NDE1: variants seen among roughly 807,000 people sequenced by gnomAD.
The protein encoded by NDE1 is nuclear distribution protein nudE homolog 1.
In NDE1, 28 loss-of-function variants were observed where a neutral mutation model predicts 43.4. The ratio of observed to expected loss-of-function variants is 0.65; its 90% confidence interval spans 0.48 to 0.89. NDE1 has a LOEUF of 0.89. Ranked by LOEUF, NDE1 falls within the 40% of genes least tolerant of loss-of-function variation. The probability of loss-of-function intolerance (pLI) is 0.00; values close to 1 mark genes in which losing one functional copy is unlikely to be tolerated. For synonymous variants in NDE1, 184 were observed against 172.0 expected, an observed-to-expected ratio of 1.07 and a Z score of -0.55; for missense variants, 441 against 434.1, an observed-to-expected ratio of 1.02 and a Z score of -0.14.
In NDE1 at chr16:15,655,817, A is replaced by G. The variant is rs543526221; in HGVS notation, c.-44+5523A>G. 5.1e-3 allele frequency among the ~76,000 whole-genome samples: 781 copies of G among 152,078 alleles called. 9 individuals are homozygous for G. The highest frequency in any genetic ancestry group is 0.024 in the Middle Eastern group (7 of 294). The stretch of plus-strand genomic sequence containing the variant: ...TGCAGCCATAAAAAATGATGAGTTC[A>G]TGTCCTTTGTAGGGACATGGATGAA... On this transcript the variant is annotated intron_variant, in intron 1 of 8. Coordinates refer to ENST00000396354, the MANE Select transcript of NDE1 (RefSeq NM_017668.3).
At chr16:15,683,857 C>G (rs1458465798) in intron 4 of NDE1, among the ~76,000 whole-genome samples, 1 of 151,918 alleles carries the variant, frequency 6.6e-6, no homozygotes, top group Non-Finnish European at 1.5e-5. Flanking sequence ...AGACTCCCGT[C>G]TCTAGAAACA....
At chr16:15,717,385 GGAA>G (rs1242029272) in intron 8 of NDE1, 1 of 1,599,190 alleles carries the variant, frequency 6.3e-7, no homozygotes, top group Non-Finnish European at 8.5e-7. Context: ...GCGGACTCAG[GGAA>G]GCCCAAGAGA....
chr16:15,723,171 A>G (rs1347321862), intron 8 of NDE1, among the ~76,000 whole-genome samples: 1 of 152,200 alleles, frequency 6.6e-6, no homozygotes, highest in African/African-American at 2.4e-5. Flanking sequence ...TTATCGTACA[A>G]TTAAGATTTG....
At position 15,724,677 on chromosome 16, in the gene NDE1, C is replaced by T. The variant is rs998445950; in HGVS notation, c.*426C>T. 6 of 1,614,202 alleles carry T rather than the reference C, an allele frequency of 3.7e-6. No homozygotes were observed. Among genetic ancestry groups the T allele is most frequent in the Non-Finnish European group, 5.1e-6 (6 of 1,180,024 alleles). On this transcript the variant is annotated 3_prime_UTR_variant, in exon 9 of 9. Transcript: ENST00000396354. The stretch of plus-strand genomic sequence containing the variant: ...TGTTGAGAGTGGAGATGTGGCGCTC[C>T]AGGTTCTGCTTGGCCTCCATCTCCT...
intron 2 of NDE1, among the ~76,000 whole-genome samples, chr16:15,666,983 C>T (rs531314039): frequency 7.4e-4 from 112 of 152,230 alleles, no homozygotes; most frequent in Middle Eastern, 3.4e-3. Context: ...CAATGGCTAA[C>T]GCCTGTAATC....
intron 1 of NDE1, among the ~76,000 whole-genome samples, chr16:15,644,290 G>A (rs976795980): frequency 1.3e-5 from 2 of 152,218 alleles, no homozygotes; most frequent in Non-Finnish European, 2.9e-5. Flanking sequence ...TCCTTACTGG[G>A]AGGTTATTTC....
chr16:15,691,746 T>C (rs2038765289), intron 6 of NDE1, among the ~76,000 whole-genome samples: 1 of 151,600 alleles, frequency 6.6e-6, no homozygotes. Flanking sequence ...GCTCAAGTGA[T>C]TCTCCCACCT....
chr16:15,685,953 ATTT>A (rs112767652), intron 4 of NDE1, among the ~76,000 whole-genome samples: 2 of 138,352 alleles, frequency 1.4e-5, no homozygotes, highest in Non-Finnish European at 3.2e-5. Context: ...TTCCTGTAGG[ATTT>A]TTTTTTTTTT....
At position 15,719,461 on chromosome 16, in the gene NDE1, C is replaced by A. The variant is rs990406724; in HGVS notation, c.948-4730C>A. On this transcript the variant is annotated intron_variant, in intron 8 of 8. Transcript: ENST00000396354. The stretch of plus-strand genomic sequence containing the variant: ...ATACATAGAGGAGGGAAGCGTGTGT[C>A]TTTCTAGACAGGTGGACCCCAGAGG... The A allele has an allele frequency of 9.2e-5, 141 of 1,532,780 alleles. No homozygotes were observed. The African/African-American group carries it at 1.8e-3, about 20-fold the overall frequency. 94.9% of individuals were successfully genotyped at this position (1,532,780 alleles called of 1,614,324 possible).
rs967321166 is a variant in NDE1 at position 15,719,835 on chromosome 16, T to A, written c.948-4356T>A. The stretch of plus-strand genomic sequence containing the variant: ...GCAGTTGACCACAAAGAAGTTCCCA[T>A]TGCACGAGCATGGCTCTCAGTTCCA... On this transcript the variant is annotated intron_variant, in intron 8 of 8. Coordinates refer to ENST00000396354, the MANE Select transcript of NDE1 (RefSeq NM_017668.3). 4.3e-6 allele frequency: 6 copies of A among 1,402,936 alleles called. No individual in the cohort carries two copies. In the Admixed American group the frequency reaches 5.2e-5, roughly 12 times the overall value. 86.9% of individuals were successfully genotyped at this position (1,402,936 alleles called of 1,614,324 possible). A position where few individuals can be genotyped will look rare whatever the true frequency, so the allele number is the denominator to read the frequency against.
At chr16:15,703,006 A>C (rs1326109091) in intron 8 of NDE1, among the ~76,000 whole-genome samples, 2 of 152,056 alleles carry the variant, frequency 1.3e-5, no homozygotes, top group Non-Finnish European at 2.9e-5. Context: ...TCACCTCTCT[A>C]GGCCTCAGTT....
chr16:15,653,725 T>C (rs2036613808), intron 1 of NDE1, among the ~76,000 whole-genome samples: 1 of 149,402 alleles, frequency 6.7e-6, no homozygotes, highest in Admixed American at 6.7e-5. Flanking sequence ...AAAAAGCATG[T>C]GGAAACAATT....
chr16:15,721,215 C>G (rs369324036), intron 8 of NDE1: 25 of 961,946 alleles, frequency 2.6e-5, no homozygotes, highest in East Asian at 2.3e-4. Context: ...AGACCCCAGC[C>G]TTATCCTCGG....
chr16:15,670,509 T>C (rs1373089997), intron 3 of NDE1, among the ~76,000 whole-genome samples: 1 of 151,962 alleles, frequency 6.6e-6, no homozygotes, highest in African/African-American at 2.4e-5. Flanking sequence ...ACTACAAAAT[T>C]AGCTGGGTGT....
chr16:15,678,267 T>C (rs2037990787), intron 4 of NDE1, among the ~76,000 whole-genome samples: 1 of 151,992 alleles, frequency 6.6e-6, no homozygotes, highest in East Asian at 1.9e-4. Context: ...GAGGAATGAG[T>C]AGCCATGATG....
intron 3 of NDE1, among the ~76,000 whole-genome samples, chr16:15,677,001 T>C (rs8058654): frequency 6.6e-6 from 1 of 152,186 alleles, no homozygotes. Flanking sequence ...ATGATTTGTC[T>C]GAAGAATGAT....
rs72772018 is a variant in NDE1, at chr16:15,716,445, C to T, written c.948-7746C>T. 9.2e-3 allele frequency among the ~76,000 whole-genome samples: 1,398 copies of T among 152,218 alleles called. 14 individuals carry two copies. Among genetic ancestry groups the T allele is most frequent in the South Asian group, 0.039 (190 of 4,820 alleles). Reference sequence around the variant, plus strand: ...ATGTGCTGTGATCATATGCCTCATTCGACCCATAATTAAGAAGGCTTCCAG... The same window carrying T: ...ATGTGCTGTGATCATATGCCTCATTTGACCCATAATTAAGAAGGCTTCCAG... On this transcript the variant is annotated intron_variant, in intron 8 of 8. Coordinates refer to ENST00000396354, the MANE Select transcript of NDE1 (RefSeq NM_017668.3).
At chr16:15,661,062 A>G (rs1567621330) in intron 1 of NDE1, among the ~76,000 whole-genome samples, 3 of 152,178 alleles carry the variant, frequency 2.0e-5, no homozygotes, top group Middle Eastern at 3.4e-3. Context: ...GCGATATTGC[A>G]TCTTGGTGTG....
chr16:15,675,251 T>C (rs2037808069), intron 3 of NDE1, among the ~76,000 whole-genome samples: 1 of 148,418 alleles, frequency 6.7e-6, no homozygotes, highest in African/African-American at 2.5e-5. Flanking sequence ...CAGGCTGGAG[T>C]GCAATGGCAC....
Sources: gnomAD v4.1 joint callset for allele counts (sites outside exome capture counted in the v4.1 genomes callset) on GRCh38, gnomAD v4.1.1 for gene constraint, MANE v1.5 for transcripts, NCBI Gene and HGNC (gene_info 2026-07-23, HGNC 2026-07-21) for gene names.